Variants in SDK1 observed in about 807,000 individuals in gnomAD.
SDK1 encodes the protein sidekick cell adhesion molecule 1.
Under a neutral mutation model 245.5 loss-of-function variants are expected in SDK1, and 157 were observed. The observed-to-expected ratio is 0.64, with a 90% confidence interval of 0.56 to 0.73. The LOEUF (loss-of-function observed/expected upper bound fraction) is 0.73, where lower values mean the gene tolerates loss of function less well. SDK1 is among the 30% of genes least tolerant of loss of function. SDK1 has a pLI of 0.00. For missense variants in SDK1, 3,583 were observed against 3,002.3 expected, an observed-to-expected ratio of 1.19 and a Z score of -4.52; for synonymous variants, 1,647 against 1,278.5, an observed-to-expected ratio of 1.29 and a Z score of -6.15.
At chr7:3,439,319 A>G (rs1780125618) in intron 1 of SDK1, among the ~76,000 whole-genome samples, 1 of 152,164 alleles carries the variant, frequency 6.6e-6, no homozygotes, top group African/African-American at 2.4e-5. Context: ...AAAAACCAAT[A>G]AAGCTAATGT....
intron 31 of SDK1, among the ~76,000 whole-genome samples, chr7:4,159,189 C>T (rs545200466): frequency 6.6e-6 from 1 of 152,354 alleles, no homozygotes; most frequent in South Asian, 2.1e-4. Flanking sequence ...TTCCCGCAAC[C>T]TATCCCCAAA....
intron 1 of SDK1, among the ~76,000 whole-genome samples, chr7:3,449,087 C>G (rs1780434042): frequency 6.6e-6 from 1 of 152,154 alleles, no homozygotes; most frequent in African/African-American, 2.4e-5. Flanking sequence ...AAGGAAAGCT[C>G]TTTGCTTTTC....
At position 3,725,122 on chromosome 7, in the gene SDK1, T is replaced by C. The variant is rs1302344900; in HGVS notation, c.713+83017T>C. On this transcript the variant is annotated intron_variant, in intron 4 of 44. Coordinates refer to ENST00000404826, the MANE Select transcript of SDK1 (RefSeq NM_152744.4). ...CAGAGCTGAATCCTTTTTCAGTAGA[T>C]AGAGGAAGTAACTTTCTGAATAGAG... Among the ~76,000 whole-genome samples the C allele has an allele frequency of 2.6e-5, 4 of 152,268 alleles. No homozygotes were observed. The East Asian group carries it at 7.7e-4, about 29-fold the overall frequency.
At chr7:3,546,690 C>G (rs1448628890) in intron 1 of SDK1, among the ~76,000 whole-genome samples, 1 of 152,204 alleles carries the variant, frequency 6.6e-6, no homozygotes, top group African/African-American at 2.4e-5. Flanking sequence ...GCGTAAAGAC[C>G]ATCATTTCAC....
intron 4 of SDK1, among the ~76,000 whole-genome samples, chr7:3,660,994 GT>G (rs1783337071): frequency 6.6e-6 from 1 of 152,146 alleles, no homozygotes; most frequent in Admixed American, 6.6e-5. Context: ...CCTCTGCTGA[GT>G]AATTTTTGGT....
intron 4 of SDK1, among the ~76,000 whole-genome samples, chr7:3,757,893 A>C (rs1028574738): frequency 5.9e-5 from 9 of 151,946 alleles, no homozygotes; most frequent in African/African-American, 2.2e-4. Context: ...GGTGACCAGC[A>C]CCCATCCTGA....
chr7:3,327,860 T>G (rs1376722018), intron 1 of SDK1, among the ~76,000 whole-genome samples: 1 of 152,174 alleles, frequency 6.6e-6, no homozygotes, highest in Non-Finnish European at 1.5e-5. Context: ...AACTCATGTC[T>G]GAATTCTTAA....
intron 5 of SDK1, among the ~76,000 whole-genome samples, chr7:3,903,766 G>A (rs1001223335): frequency 3.3e-5 from 5 of 152,118 alleles, no homozygotes; most frequent in Admixed American, 6.5e-5. Context: ...TTGATCTCCC[G>A]TGTTGGAGGT....
chr7:3,368,374 C>CA (rs1314696195), intron 1 of SDK1, among the ~76,000 whole-genome samples: 2 of 152,190 alleles, frequency 1.3e-5, no homozygotes, highest in Non-Finnish European at 2.9e-5. Flanking sequence ...TATCTTTTGT[C>CA]CATCATACTT....
intron 1 of SDK1, among the ~76,000 whole-genome samples, chr7:3,523,158 G>A (rs1231235446): frequency 2.0e-5 from 3 of 152,174 alleles, no homozygotes; most frequent in African/African-American, 7.2e-5. Context: ...GCTTGAAGGA[G>A]CAAAATCTCA....
intron 5 of SDK1, among the ~76,000 whole-genome samples, chr7:3,888,171 G>A (rs1418112531): frequency 2.0e-5 from 3 of 152,170 alleles, no homozygotes. Flanking sequence ...CTGCCTGGCT[G>A]GCACAGACTC....
At chr7:3,931,640 A>G (rs1344319675) in intron 5 of SDK1, among the ~76,000 whole-genome samples, 2 of 152,162 alleles carry the variant, frequency 1.3e-5, no homozygotes, top group Admixed American at 6.5e-5. Flanking sequence ...CATCTTCCTC[A>G]GTGATATTTG....
intron 17 of SDK1, among the ~76,000 whole-genome samples, chr7:4,036,904 C>G (rs967848312): frequency 6.6e-6 from 1 of 152,124 alleles, no homozygotes; most frequent in African/African-American, 2.4e-5. Context: ...GTTATAGCAG[C>G]CTGAACTAAG....
At chr7:4,223,530 C>T (rs1785254390) in intron 40 of SDK1, among the ~76,000 whole-genome samples, 1 of 152,228 alleles carries the variant, frequency 6.6e-6, no homozygotes, top group African/African-American at 2.4e-5. Flanking sequence ...CTGGGGCTGA[C>T]AGGTGCTTCA....
At chr7:3,677,269 G>A (rs2114978839) in intron 4 of SDK1, among the ~76,000 whole-genome samples, 1 of 152,132 alleles carries the variant, frequency 6.6e-6, no homozygotes, top group Non-Finnish European at 1.5e-5. Context: ...AAGCATCTTT[G>A]GCCCTGGATT....
chr7:4,227,662 A>T (rs1008731804), intron 40 of SDK1, among the ~76,000 whole-genome samples: 3 of 152,212 alleles, frequency 2.0e-5, no homozygotes, highest in Admixed American at 2.0e-4. Flanking sequence ...TTCAGCATGG[A>T]GACCCTGTTT....
At chr7:3,429,985 C>G (rs1779790762) in intron 1 of SDK1, among the ~76,000 whole-genome samples, 1 of 152,224 alleles carries the variant, frequency 6.6e-6, no homozygotes, top group Admixed American at 6.5e-5. Context: ...ACATTTCTTT[C>G]TGTGCTATTT....
At position 4,267,294 on chromosome 7, in the gene SDK1, CTTCCCTCCCTTCT is replaced by C. The variant is rs1403408663; in HGVS notation, c.*1921_*1933del. 9.3e-5 allele frequency: 64 copies of C among 690,048 alleles called. No individual in the cohort carries two copies. The African/African-American group carries it at 1.1e-3, about 11-fold the overall frequency. 42.7% of individuals were successfully genotyped at this position (690,048 alleles called of 1,614,324 possible). The stretch of plus-strand genomic sequence containing the variant: ...CCTTCCTTCCTCTCTTTCCTCCTTC[CTTCCCTCCCTTCT>C]TTCCCTCCCTCCCTTCCTCTCTCCC... On this transcript the variant is annotated 3_prime_UTR_variant, in exon 45 of 45. Coordinates refer to ENST00000404826, the MANE Select transcript of SDK1 (RefSeq NM_152744.4).
chr7:3,879,442 C>A (rs1781152379), intron 5 of SDK1, among the ~76,000 whole-genome samples: 1 of 152,118 alleles, frequency 6.6e-6, no homozygotes. Context: ...AGCCACTTGC[C>A]CCTGATGTCA....
Sources: gnomAD v4.1 joint callset for allele counts (sites outside exome capture counted in the v4.1 genomes callset) on GRCh38, gnomAD v4.1.1 for gene constraint, MANE v1.5 for transcripts, NCBI Gene and HGNC (gene_info 2026-07-23, HGNC 2026-07-21) for gene names.